Variants in SIPA1L3 observed in about 807,000 individuals in gnomAD.
The protein encoded by SIPA1L3 is signal-induced proliferation-associated 1-like protein 3.
A neutral mutation model predicts 150.1 loss-of-function variants in SIPA1L3; 59 were observed. The ratio of observed to expected loss-of-function variants is 0.39; its 90% CI spans 0.32 to 0.49. The LOEUF (loss-of-function observed/expected upper bound fraction) is 0.49. Among genes scored for constraint, SIPA1L3 ranks in the 20% least tolerant of loss-of-function variants. The probability of loss-of-function intolerance (pLI) is 0.86; values close to 1 mark genes in which losing one functional copy is unlikely to be tolerated. For synonymous variants in SIPA1L3, 1,070 were observed against 1,077.6 expected (o/e 0.99, Z 0.14); for missense variants, 2,211 against 2,489.5 (o/e 0.89, Z 2.38).
chr19:38,065,915 C>CTATT (rs56132149), intron 2 of SIPA1L3, among the ~76,000 whole-genome samples: 60,085 of 127,552 alleles, frequency 0.47, 15,733 homozygotes, highest in East Asian at 0.6. Flanking sequence ...ATTTATTTAT[C>CTATT]TATTTATTTA....
chr19:38,077,733 C>T (rs373923606), intron 2 of SIPA1L3, among the ~76,000 whole-genome samples: 9 of 119,366 alleles, frequency 7.5e-5, no homozygotes, highest in African/African-American at 2.9e-4. Flanking sequence ...TGCAGTGGAG[C>T]AATCTCGGCT....
intron 2 of SIPA1L3, among the ~76,000 whole-genome samples, chr19:38,040,698 A>G (rs916670385): frequency 3.9e-5 from 6 of 152,190 alleles, no homozygotes; most frequent in Non-Finnish European, 5.9e-5. Flanking sequence ...GAAATGCCCC[A>G]TTTAAGAGTT....
intron 1 of SIPA1L3, among the ~76,000 whole-genome samples, chr19:37,994,561 C>T (rs775424303): frequency 1.3e-5 from 2 of 152,196 alleles, no homozygotes; most frequent in Admixed American, 1.3e-4. Flanking sequence ...AGCAGCCGCC[C>T]TGGCTGCTGT....
rs147006806 is a variant in SIPA1L3, at chr19:38,080,014, C to T, written c.-310-1242C>T. On this transcript the variant is annotated intron_variant, in intron 2 of 21. Coordinates refer to ENST00000222345, the MANE Select transcript of SIPA1L3 (RefSeq NM_015073.3). ...TCAGGGATGGGGAGAGACATGGAAGCCAGATCCTGCGGGGCTTGTGGAGCA... is the reference window on the plus strand; with the variant it reads ...TCAGGGATGGGGAGAGACATGGAAGTCAGATCCTGCGGGGCTTGTGGAGCA... Among the ~76,000 whole-genome samples the T allele has an allele frequency of 2.2e-3, 335 of 152,266 alleles. 2 individuals carry two copies. The highest frequency in any genetic ancestry group is 7.8e-3 in the African/African-American group (324 of 41,550).
At chr19:37,960,403 A>ATTT (rs60821140) in intron 1 of SIPA1L3, among the ~76,000 whole-genome samples, 3 of 137,552 alleles carry the variant, frequency 2.2e-5, no homozygotes, top group African/African-American at 8.0e-5. Flanking sequence ...CACTCAGCTA[A>ATTT]TTTTTTTTTT....
At chr19:38,027,348 C>T (rs1016515761) in intron 1 of SIPA1L3, among the ~76,000 whole-genome samples, 1 of 152,076 alleles carries the variant, frequency 6.6e-6, no homozygotes, top group Middle Eastern at 3.2e-3. Context: ...CAGTAGGAGT[C>T]CCTGGCATGA....
At chr19:38,123,720 C>A (rs12979808) in intron 9 of SIPA1L3, among the ~76,000 whole-genome samples, 3 of 151,890 alleles carry the variant, frequency 2.0e-5, no homozygotes, top group East Asian at 3.9e-4. Context: ...CACCTTTCCC[C>A]CCTTTCTATT....
intron 1 of SIPA1L3, among the ~76,000 whole-genome samples, chr19:37,999,652 A>G (rs2145653805): frequency 6.6e-6 from 1 of 152,346 alleles, no homozygotes; most frequent in South Asian, 2.1e-4. Flanking sequence ...CAGAAAGGTC[A>G]TCGTTTAAGA....
Position 38,164,334 on chromosome 19 carries a change from C to T in SIPA1L3, c.3781-145C>T. Reference sequence around the variant, plus strand: ...GCTGAGGGAAGGTAAATCACTTGCCCAAGGTAACACGGCCAGTAGATGAGA... The same window carrying T: ...GCTGAGGGAAGGTAAATCACTTGCCTAAGGTAACACGGCCAGTAGATGAGA... On this transcript the variant is annotated intron_variant, in intron 14 of 21. Coordinates refer to ENST00000222345, the MANE Select transcript of SIPA1L3 (RefSeq NM_015073.3). This position sits in a 1 kb window ranked among gnomAD's most constrained non-coding sequence, Gnocchi z 4.1. 1.3e-6 allele frequency: 1 copy of T among 768,330 alleles called. No homozygotes were observed. The highest frequency in any genetic ancestry group is 2.1e-6 in the Non-Finnish European group (1 of 468,728). The allele number at this position is 768,330 out of a possible 1,614,324, so 47.6% of individuals were successfully genotyped here.
At chr19:38,122,497 T>C (rs1406480252) in intron 9 of SIPA1L3, among the ~76,000 whole-genome samples, 1 of 152,088 alleles carries the variant, frequency 6.6e-6, no homozygotes, top group Non-Finnish European at 1.5e-5. Context: ...CCGGACACTT[T>C]CGATGGTGTC....
At chr19:37,940,185 G>A (rs2046640263) in intron 1 of SIPA1L3, among the ~76,000 whole-genome samples, 1 of 152,022 alleles carries the variant, frequency 6.6e-6, no homozygotes, top group African/African-American at 2.4e-5. Context: ...GGAGGCTGAG[G>A]CAGGAGGATT....
chr19:38,109,415 G>A (rs976534853), intron 7 of SIPA1L3: 1 of 152,206 alleles, frequency 6.6e-6, no homozygotes, highest in African/African-American at 2.4e-5. Context: ...CCCACGACAT[G>A]TGGGAATTAT....
intron 1 of SIPA1L3, among the ~76,000 whole-genome samples, chr19:37,953,422 C>G (rs1204038111): frequency 6.6e-6 from 1 of 152,056 alleles, no homozygotes. Flanking sequence ...GAGTTCATGA[C>G]CAATTCGGAA....
intron 1 of SIPA1L3, among the ~76,000 whole-genome samples, chr19:37,923,158 A>C (rs1224636776): frequency 6.6e-6 from 1 of 151,886 alleles, no homozygotes; most frequent in East Asian, 1.9e-4. Context: ...AAAGAAGTAC[A>C]ACACGCACCG....
chr19:38,115,332 C>T (rs1447200486), intron 8 of SIPA1L3, among the ~76,000 whole-genome samples: 3 of 152,216 alleles, frequency 2.0e-5, no homozygotes, highest in Non-Finnish European at 4.4e-5. Context: ...TTCCCATTCC[C>T]TGCTGGTGCT....
intron 1 of SIPA1L3, among the ~76,000 whole-genome samples, chr19:37,909,656 G>T (rs2046362404): frequency 6.6e-6 from 1 of 152,206 alleles, no homozygotes; most frequent in African/African-American, 2.4e-5. Flanking sequence ...AGGGGACCCA[G>T]TTCTGTGATT....
At chr19:38,118,942 C>T (rs1299252679) in intron 8 of SIPA1L3, among the ~76,000 whole-genome samples, 1 of 152,090 alleles carries the variant, frequency 6.6e-6, no homozygotes, top group African/African-American at 2.4e-5. Flanking sequence ...CAGCTGTAAT[C>T]CCAACACTTT....
intron 5 of SIPA1L3, 28 bp from the exon 6 acceptor site, chr19:38,101,024 C>G (rs1334587899): frequency 6.6e-7 from 1 of 1,507,292 alleles, no homozygotes; most frequent in East Asian, 2.4e-5. Flanking sequence ...CCTGGCCTGC[C>G]TCCACAAAGC....
rs1599949360 is a variant in SIPA1L3, at chr19:38,046,023, C to A, written c.-311+16867C>A. On this transcript the variant is annotated intron_variant, in intron 2 of 21. Transcript: ENST00000222345. The surrounding 1 kb of genome is among the most constrained non-coding windows in gnomAD (Gnocchi z 5.6). ...TGATGTCCTGACACTCTTCCTCCCCCAGGACAGTTTGTACCGCTCCAGGGT... is the reference window on the plus strand; with the variant it reads ...TGATGTCCTGACACTCTTCCTCCCCAAGGACAGTTTGTACCGCTCCAGGGT... Among the ~76,000 whole-genome samples, 1 of 152,276 alleles carries A rather than the reference C, an allele frequency of 6.6e-6. No homozygotes were observed. The highest frequency in any genetic ancestry group is 2.4e-5 in the African/African-American group (1 of 41,556).
Sources: gnomAD v4.1 joint callset for allele counts (sites outside exome capture counted in the v4.1 genomes callset) on GRCh38, gnomAD v4.1.1 for gene constraint, Gnocchi (gnomAD v3.1) non-coding constraint, MANE v1.5 for transcripts, NCBI Gene and HGNC (gene_info 2026-07-23, HGNC 2026-07-21) for gene names.